The following MGME1 variants were observed in gnomAD, a reference collection of about 807,000 sequenced individuals.
The protein encoded by MGME1 is mitochondrial genome maintenance exonuclease 1, also known as chromosome 20 open reading frame 72.
MGME1 carries 22 observed loss-of-function variants against 33.0 expected under a neutral mutation model. That is an observed-to-expected ratio of 0.67 (90% CI 0.48 to 0.95). MGME1 has a LOEUF of 0.95. Ranked by LOEUF, MGME1 falls within the 40% of genes least tolerant of loss-of-function variation. MGME1 has a pLI of 0.00. For synonymous variants in MGME1, 133 were observed against 144.0 expected, an observed-to-expected ratio of 0.92 and a Z score of 0.55; for missense variants, 383 against 397.8, an observed-to-expected ratio of 0.96 and a Z score of 0.32.
rs906607042 is a variant in MGME1, at chr20:17,988,341, A to G, written c.864+43A>G. 2.5e-6 allele frequency: 4 copies of G among 1,596,158 alleles called. No homozygotes were observed. The East Asian group carries it at 9.0e-5, about 36-fold the overall frequency. ...TTACTTAAAGCTTTGCTCAATGCTT[A>G]CTTAAAACTATAACTCCGGGCCGGG... On this transcript the variant is annotated intron_variant, in intron 4 of 4. Transcript: ENST00000377710.
intron 2 of MGME1, 117 bp from the exon 3 acceptor site, chr20:17,975,567 A>AG: frequency 1.2e-6 from 1 of 811,596 alleles, no homozygotes; most frequent in Non-Finnish European, 1.9e-6. Context: ...AAAAAAAAAA[A>AG]AGAAAAAAAA....
intron 2 of MGME1, among the ~76,000 whole-genome samples, chr20:17,974,561 C>T (rs565193960): frequency 4.0e-4 from 61 of 152,214 alleles, no homozygotes; most frequent in African/African-American, 1.4e-3. Flanking sequence ...AATGAACATA[C>T]AGGAAAAATA....
chr20:17,984,637 C>T (rs1156276623), intron 3 of MGME1, among the ~76,000 whole-genome samples: 2 of 152,238 alleles, frequency 1.3e-5, no homozygotes, highest in African/African-American at 4.8e-5. Flanking sequence ...GATTCTGACC[C>T]TGTGTAGGCC....
At chr20:17,975,631 T>C in intron 2 of MGME1, 53 bp from the exon 3 acceptor site, 1 of 1,277,650 alleles carries the variant, frequency 7.8e-7, no homozygotes, top group East Asian at 2.4e-5. Context: ...TGTTTTTCAG[T>C]GTTAGCTTTG....
intron 3 of MGME1, among the ~76,000 whole-genome samples, chr20:17,987,440 C>T (rs2036182208): frequency 6.6e-6 from 1 of 151,966 alleles, no homozygotes; most frequent in Admixed American, 6.6e-5. Context: ...TGTAAAATAT[C>T]CCTATAATAA....
At chr20:17,981,234 G>A (rs894605886) in intron 3 of MGME1, among the ~76,000 whole-genome samples, 1 of 152,154 alleles carries the variant, frequency 6.6e-6, no homozygotes, top group Admixed American at 6.6e-5. Flanking sequence ...ATGCAGAACT[G>A]TGACAGTCAT....
At chr20:17,983,846 C>T (rs944511419) in intron 3 of MGME1, among the ~76,000 whole-genome samples, 3 of 152,238 alleles carry the variant, frequency 2.0e-5, no homozygotes, top group African/African-American at 7.2e-5. Context: ...TGGATATTAT[C>T]CCCTTATCAG....
At chr20:17,989,338 G>T (rs1380980443) in intron 4 of MGME1, among the ~76,000 whole-genome samples, 1 of 150,904 alleles carries the variant, frequency 6.6e-6, no homozygotes, top group South Asian at 2.1e-4. Context: ...GTGAGCCAAG[G>T]TTGTTCCACT....
At chr20:17,985,971 C>T (rs1192514379) in intron 3 of MGME1, among the ~76,000 whole-genome samples, 1 of 152,160 alleles carries the variant, frequency 6.6e-6, no homozygotes, top group Non-Finnish European at 1.5e-5. Context: ...CGACTTCATT[C>T]TTTTCACTCA....
In MGME1 at chr20:17,978,684, A is replaced by G. The variant is rs539651284; in HGVS notation, c.731+2781A>G. Among the ~76,000 whole-genome samples, 5 of 152,322 alleles carry G rather than the reference A, an allele frequency of 3.3e-5. No homozygotes were observed. The South Asian group carries it at 6.2e-4, about 19-fold the overall frequency. ...ATGCTTGTCATAGAGATGATAAAAT[A>G]TGTCCATAGCACTGTTGTTTGTTTT... On this transcript the variant is annotated intron_variant, in intron 3 of 4. Coordinates refer to ENST00000377710, the MANE Select transcript of MGME1 (RefSeq NM_052865.4).
intron 3 of MGME1, among the ~76,000 whole-genome samples, chr20:17,976,683 C>T (rs1458754660): frequency 2.0e-5 from 3 of 151,730 alleles, no homozygotes; most frequent in Non-Finnish European, 2.9e-5. Flanking sequence ...TTTTTTGAGA[C>T]GGAGTTTTGC....
intron 2 of MGME1, among the ~76,000 whole-genome samples, chr20:17,973,010 A>G (rs535486198): frequency 5.0e-4 from 76 of 152,190 alleles, no homozygotes; most frequent in Non-Finnish European, 1.5e-4. Flanking sequence ...AACTCTCCAA[A>G]TAATTTTTCA....
At chr20:17,970,517 T>C in intron 2 of MGME1, 147 bp downstream of exon 2, 1 of 732,254 alleles carries the variant, frequency 1.4e-6, no homozygotes, top group Non-Finnish European at 2.2e-6. Context: ...AATAGCACTT[T>C]ATGTGTATTA....
intron 3 of MGME1, among the ~76,000 whole-genome samples, chr20:17,977,046 G>A (rs1354135364): frequency 6.6e-6 from 1 of 152,020 alleles, no homozygotes; most frequent in African/African-American, 2.4e-5. Context: ...TCCTGATCCA[G>A]ACCCCGAGAG....
chr20:17,975,797 G>GT lies in MGME1; in HGVS notation c.626dup (p.Gln210ProfsTer14), dbSNP rs1313867101. 1 of 1,614,092 alleles carries GT rather than the reference G, an allele frequency of 6.2e-7. No homozygotes were observed. ...CCTCAAGTCTGGTTACATTGAAAGT[G>GT]TCCAGCATATTCTGAAAGATGTCAG... On this transcript the variant is annotated frameshift_variant, in exon 3 of 5. Coordinates refer to ENST00000377710, the MANE Select transcript of MGME1 (RefSeq NM_052865.4). LOFTEE classifies it high-confidence loss of function.
chr20:17,970,249 A>C lies in MGME1; in HGVS notation c.390A>C (p.Ile130=). 6.2e-7 allele frequency: 1 copy of C among 1,614,268 alleles called. No individual in the cohort carries two copies. Among genetic ancestry groups the C allele is most frequent in the Non-Finnish European group, 8.5e-7 (1 of 1,180,052 alleles). ...PLKIPLQRNV[I]PSVTRVLQQT... Reference sequence around the variant, plus strand: ...AAATCCCCTTGCAAAGGAATGTGATACCAAGTGTGACCCGAGTCCTTCAGC... The same window carrying C: ...AAATCCCCTTGCAAAGGAATGTGATCCCAAGTGTGACCCGAGTCCTTCAGC... The change falls in exon 2 of 5, where the codon ATA becomes ATC. Residue 130 remains isoleucine, a synonymous_variant. Transcript: ENST00000377710.
At chr20:17,977,937 A>G (rs753701074) in intron 3 of MGME1, among the ~76,000 whole-genome samples, 8 of 152,236 alleles carry the variant, frequency 5.3e-5, no homozygotes, top group Non-Finnish European at 1.0e-4. Context: ...AGCGATCACT[A>G]AGAACAAGAT....
chr20:17,977,054 G>C (rs2035887847), intron 3 of MGME1, among the ~76,000 whole-genome samples: 1 of 152,136 alleles, frequency 6.6e-6, no homozygotes, highest in Non-Finnish European at 1.5e-5. Context: ...CAGACCCCGA[G>C]AGGGTTCTTC....
Position 17,970,418 on chromosome 20 carries a change from T to C in MGME1, c.511+48T>C, listed in dbSNP as rs376353672. ...TATATGTTTGCTATGTTTTCTATAA[T>C]AGAGAGCAACGGTGTCAAAAGAATG... is the stretch of plus-strand genomic sequence containing the variant. On this transcript the variant is annotated intron_variant, in intron 2 of 4. Transcript: ENST00000377710. 1.2e-5 allele frequency: 18 copies of C among 1,531,986 alleles called. No individual in the cohort carries two copies. The African/African-American group carries it at 2.2e-4, about 19-fold the overall frequency. The allele number at this position is 1,531,986 out of a possible 1,614,324, so 94.9% of individuals were successfully genotyped here.
Sources: gnomAD v4.1 joint callset for allele counts (sites outside exome capture counted in the v4.1 genomes callset) on GRCh38, gnomAD v4.1.1 for gene constraint, MANE v1.5 for transcripts, NCBI Gene and HGNC (gene_info 2026-07-23, HGNC 2026-07-21) for gene names.